Variants in PCDHGA2 observed in about 807,000 individuals in gnomAD.
PCDHGA2 encodes the protein protocadherin gamma subfamily A, 2.
A neutral mutation model predicts 59.2 loss-of-function variants in PCDHGA2; 40 were observed. That is an observed-to-expected ratio of 0.68 (90% CI 0.52 to 0.88). The LOEUF (loss-of-function observed/expected upper bound fraction) is 0.88, where lower values mean the gene tolerates loss of function less well. Among genes scored for constraint, PCDHGA2 ranks in the 40% least tolerant of loss-of-function variants. The probability of loss-of-function intolerance (pLI) is 0.00; values close to 1 mark genes in which losing one functional copy is unlikely to be tolerated. For missense variants in PCDHGA2, 1,226 were observed against 1,204.0 expected, an observed-to-expected ratio of 1.02 and a Z score of -0.27; for synonymous variants, 560 against 526.0, an observed-to-expected ratio of 1.06 and a Z score of -0.89.
intron 1 of PCDHGA2, chr5:141,399,208 C>G: frequency 6.2e-7 from 1 of 1,613,958 alleles, no homozygotes; most frequent in Non-Finnish European, 8.5e-7. Context: ...GCCTGGAACA[C>G]TAATTGCTTT....
At chr5:141,390,462 A>C in intron 1 of PCDHGA2, 1 of 732,308 alleles carries the variant, frequency 1.4e-6, no homozygotes, top group South Asian at 2.0e-5. Context: ...AAGTAGGAGC[A>C]ATTGTGTGGC....
In PCDHGA2 at chr5:141,512,839, C is replaced by T. The variant is rs141207714; in HGVS notation, c.*1666C>T. ...GACCCCCTCCCCCGTACTGACTTCTCCTATAAGCGCTTCTCTTCGCATAGT... is the reference window on the plus strand; with the variant it reads ...GACCCCCTCCCCCGTACTGACTTCTTCTATAAGCGCTTCTCTTCGCATAGT... On this transcript the variant is annotated 3_prime_UTR_variant, in exon 4 of 4. Transcript: ENST00000394576. 278 of 152,216 alleles carry T rather than the reference C, an allele frequency of 1.8e-3. 2 individuals are homozygous for T. Among genetic ancestry groups the T allele is most frequent in the Middle Eastern group, 0.01 (3 of 292 alleles). 9.4% of individuals were successfully genotyped at this position (152,216 alleles called of 1,614,324 possible). A position where few individuals can be genotyped will look rare whatever the true frequency, so the allele number is the denominator to read the frequency against.
rs1228831823 is a variant in PCDHGA2, at chr5:141,487,778, T to C, written c.2425-7029T>C. ...GGTAGACGCTGTGCTTTGTAACTGT[T>C]TCGTGAATTAACCAGAGTTGTCACA... On this transcript the variant is annotated intron_variant, in intron 1 of 3. Coordinates refer to ENST00000394576, the MANE Select transcript of PCDHGA2 (RefSeq NM_018915.4). The surrounding 1 kb of genome is among the most constrained non-coding windows in gnomAD (Gnocchi z 5.0). The C allele has an allele frequency of 6.5e-7, 1 of 1,531,514 alleles. No individual in the cohort carries two copies. The highest frequency in any genetic ancestry group is 2.0e-5 in the Admixed American group (1 of 49,632). 94.9% of individuals were successfully genotyped at this position (1,531,514 alleles called of 1,614,324 possible).
intron 1 of PCDHGA2, among the ~76,000 whole-genome samples, chr5:141,450,649 G>A (rs2098689040): frequency 6.6e-6 from 1 of 151,674 alleles, no homozygotes; most frequent in African/African-American, 2.4e-5. Flanking sequence ...ACCATGCCTG[G>A]CTAATTTTTG....
intron 1 of PCDHGA2, among the ~76,000 whole-genome samples, chr5:141,437,926 T>C (rs1374182368): frequency 2.6e-5 from 4 of 152,058 alleles, no homozygotes; most frequent in Admixed American, 1.3e-4. Context: ...TTAGTAGAGA[T>C]GGGGTTTCAC....
intron 1 of PCDHGA2, chr5:141,427,265 C>T (rs767369457): frequency 6.1e-5 from 28 of 456,570 alleles, no homozygotes; most frequent in Non-Finnish European, 1.1e-4. Context: ...GCATGACCAG[C>T]GAATGTAAAA....
intron 1 of PCDHGA2, chr5:141,404,478 CAG>C (rs749664270): frequency 1.9e-6 from 3 of 1,613,412 alleles, no homozygotes; most frequent in Non-Finnish European, 2.5e-6. Context: ...TCTATTAACT[CAG>C]ACACTGGTGT....
chr5:141,482,574 A>C (rs1294997781), intron 1 of PCDHGA2, among the ~76,000 whole-genome samples: 2 of 151,592 alleles, frequency 1.3e-5, no homozygotes, highest in Non-Finnish European at 2.9e-5. Context: ...GCATAGCATA[A>C]GATGCAGTGG....
At chr5:141,346,025 G>A in intron 1 of PCDHGA2, 6 of 1,613,470 alleles carry the variant, frequency 3.7e-6, no homozygotes, top group Non-Finnish European at 5.1e-6. Context: ...CCGTGGCCGT[G>A]GCCGACAGGA....
intron 2 of PCDHGA2, among the ~76,000 whole-genome samples, chr5:141,496,565 T>C (rs2099769541): frequency 6.6e-6 from 1 of 152,136 alleles, no homozygotes; most frequent in African/African-American, 2.4e-5. Context: ...CACAGTCCTG[T>C]CACCCATTTT....
intron 1 of PCDHGA2, chr5:141,414,994 T>C (rs1390374290): frequency 3.7e-6 from 6 of 1,613,626 alleles, no homozygotes; most frequent in Non-Finnish European, 4.2e-6. Flanking sequence ...CCAGAACGCC[T>C]GGCTGTCCTA....
intron 1 of PCDHGA2, chr5:141,374,866 G>T (rs956228027): frequency 3.1e-6 from 5 of 1,613,750 alleles, no homozygotes; most frequent in Non-Finnish European, 4.2e-6. Context: ...GCACACCAGT[G>T]TTGGCAGTGA....
At chr5:141,353,544 G>A (rs1278029752) in intron 1 of PCDHGA2, among the ~76,000 whole-genome samples, 1 of 152,080 alleles carries the variant, frequency 6.6e-6, no homozygotes, top group African/African-American at 2.4e-5. Context: ...CACTAACTTT[G>A]AGTCAATATT....
At chr5:141,422,716 G>A (rs1348237465) in intron 1 of PCDHGA2, 1 of 1,604,378 alleles carries the variant, frequency 6.2e-7, no homozygotes, top group Non-Finnish European at 8.5e-7. Flanking sequence ...GGATGACACT[G>A]TCCAGGGGGT....
rs746309479 is a variant in PCDHGA2, at chr5:141,389,523, C to T, written c.2424+48128C>T. 36 of 1,613,164 alleles carry T rather than the reference C, an allele frequency of 2.2e-5. No homozygotes were observed. Among genetic ancestry groups the T allele is most frequent in the East Asian group, 4.5e-5 (2 of 44,878 alleles). On this transcript the variant is annotated intron_variant, in intron 1 of 3. Coordinates refer to ENST00000394576, the MANE Select transcript of PCDHGA2 (RefSeq NM_018915.4). ...AGCGCTCAGCGCGAACGTGAGCCTG[C>T]GCGTGTTAGTGGACGACCGCAACGA...
At position 141,399,354 on chromosome 5, in the gene PCDHGA2, G is replaced by A. The variant is rs559321354; in HGVS notation, c.2424+57959G>A. The A allele has an allele frequency of 3.7e-6, 6 of 1,614,008 alleles. No homozygotes were observed. The Admixed American group carries it at 1.0e-4, about 27-fold the overall frequency. On this transcript the variant is annotated intron_variant, in intron 1 of 3. Coordinates refer to ENST00000394576, the MANE Select transcript of PCDHGA2 (RefSeq NM_018915.4). ...TAACAGATGGAACCCTAGACCGAGA[G>A]CAAACCCCGGAGTACAATGTCACCA...
In PCDHGA2 at chr5:141,485,216, G is replaced by C. The variant is rs757059807; in HGVS notation, c.2425-9591G>C. On this transcript the variant is annotated intron_variant, in intron 1 of 3. Transcript: ENST00000394576. The surrounding 1 kb of genome is among the most constrained non-coding windows in gnomAD (Gnocchi z 5.7). ...AAGCTGGACAGAAATCTGGCGGTGG[G>C]CTACCCTTTTGTTCCTCTTTTACCA... 2.5e-6 allele frequency: 4 copies of C among 1,614,144 alleles called. No homozygotes were observed. In the South Asian group the frequency reaches 4.4e-5, roughly 18 times the overall value.
Position 141,352,107 on chromosome 5 carries a change from G to A in PCDHGA2, c.2424+10712G>A, listed in dbSNP as rs754148272. On this transcript the variant is annotated intron_variant, in intron 1 of 3. Transcript: ENST00000394576. ...AGCGAGCCCGGGCTCTTCAGCCTGG[G>A]GTTGCGCACGGGTGAGGTGCGCACA... is the stretch of plus-strand genomic sequence containing the variant. 1.9e-6 allele frequency: 3 copies of A among 1,607,096 alleles called. No homozygotes were observed. The African/African-American group carries it at 4.0e-5, about 21-fold the overall frequency.
rs1199756501 is a variant in PCDHGA2 at position 141,493,222 on chromosome 5, C to A, written c.2425-1585C>A. Among the ~76,000 whole-genome samples the A allele has an allele frequency of 6.6e-6, 1 of 152,194 alleles. No individual in the cohort carries two copies. Among genetic ancestry groups the A allele is most frequent in the East Asian group, 1.9e-4 (1 of 5,196 alleles). ...ACCTCATCTCATTTGCTCTTCCCAC[C>A]ATTGCTGTTGGCTAGGTACTAACAT... On this transcript the variant is annotated intron_variant, in intron 1 of 3. Coordinates refer to ENST00000394576, the MANE Select transcript of PCDHGA2 (RefSeq NM_018915.4). This position sits in a 1 kb window ranked among gnomAD's most constrained non-coding sequence, Gnocchi z 4.3.
Sources: gnomAD v4.1 joint callset for allele counts (sites outside exome capture counted in the v4.1 genomes callset) on GRCh38, gnomAD v4.1.1 for gene constraint, Gnocchi (gnomAD v3.1) non-coding constraint, MANE v1.5 for transcripts, NCBI Gene and HGNC (gene_info 2026-07-23, HGNC 2026-07-21) for gene names.